Variants in SLC2A7 observed in about 807,000 individuals in gnomAD.
SLC2A7 encodes solute carrier family 2, facilitated glucose transporter member 7.
In SLC2A7, 50 loss-of-function variants were observed where a neutral mutation model predicts 50.5. The ratio of observed to expected loss-of-function variants is 0.99; its 90% CI spans 0.79 to 1.25. SLC2A7 has a LOEUF of 1.25. Ranked by LOEUF, SLC2A7 falls within the 50% of genes most tolerant of loss-of-function variation. The pLI is 0.00. For synonymous variants in SLC2A7, 308 were observed against 300.4 expected, an observed-to-expected ratio of 1.03 and a Z score of -0.26; for missense variants, 683 against 679.1, an observed-to-expected ratio of 1.01 and a Z score of -0.06.
chr1:9,026,392 C>T lies in SLC2A7; in HGVS notation c.-47G>A. On this transcript the variant is annotated 5_prime_UTR_variant, in exon 1 of 12. In the 5' UTR this introduces an upstream ATG that the reference lacks. Coordinates refer to ENST00000400906, the MANE Select transcript of SLC2A7 (RefSeq NM_207420.3). ...GGTGTGCTCTACCTCCCAAGTGACA[C>T]CTGCTCTGCGCCAGCCACCTAAAGA... 6.5e-7 allele frequency: 1 copy of T among 1,549,512 alleles called. No homozygotes were observed. Among genetic ancestry groups the T allele is most frequent in the Non-Finnish European group, 8.8e-7 (1 of 1,142,176 alleles).
chr1:9,009,447 T>C (rs962416825), intron 9 of SLC2A7, among the ~76,000 whole-genome samples: 3 of 152,126 alleles, frequency 2.0e-5, no homozygotes, highest in Non-Finnish European at 2.9e-5. Flanking sequence ...TGAAAAATGA[T>C]TCGTAGTTTT....
chr1:9,022,920 G>A lies in SLC2A7; in HGVS notation c.309C>T (p.Gly103=). 3 of 1,613,842 alleles carry A rather than the reference G, an allele frequency of 1.9e-6. No individual in the cohort carries two copies. Among genetic ancestry groups the A allele is most frequent in the Non-Finnish European group, 2.5e-6 (3 of 1,179,908 alleles). Residue 103 remains glycine, a splice_region_variant and synonymous_variant, in exon 3 of 12, where the codon GGC becomes GGT. Transcript: ENST00000400906. ...GGAGCAGTGCACCTTCTGTTTACCT[G>A]CCGCAGCTATCAACCAGCAGGCCCA... ...LLVGLLVDSC[G]RKGTLLINNI...
intron 9 of SLC2A7, among the ~76,000 whole-genome samples, chr1:9,009,578 T>C (rs1416285370): frequency 6.6e-6 from 1 of 152,218 alleles, no homozygotes; most frequent in East Asian, 1.9e-4. Context: ...CACCTCAGCT[T>C]CCTGAGTAGC....
rs200259642 is a variant in SLC2A7, at chr1:9,003,463, G to A, written c.1376C>T (p.Ala459Val). Reference sequence around the variant, plus strand: ...CGGAATAACCACGTAGATGTAAATCGCAGTGAGGAGGCAGATTCCGGCAAA... The same window carrying A: ...CGGAATAACCACGTAGATGTAAATCACAGTGAGGAGGCAGATTCCGGCAAA... ...IIFAGICLLT[A>V]IYIYVVIPET... Residue 459 changes from alanine (A) to valine (V), a missense_variant, in exon 12 of 12, where the codon GCG (alanine) becomes GTG (valine). Physicochemically the swap from Ala to Val is moderately conservative, Grantham distance 64. Coordinates refer to ENST00000400906, the MANE Select transcript of SLC2A7 (RefSeq NM_207420.3). 2.7e-5 allele frequency: 44 copies of A among 1,614,170 alleles called. No homozygotes were observed. The highest frequency in any genetic ancestry group is 8.8e-5 in the South Asian group (8 of 91,088).
intron 2 of SLC2A7, 84 bp from the exon 3 acceptor site, chr1:9,023,162 T>C (rs1569810662): frequency 6.8e-7 from 1 of 1,466,740 alleles, no homozygotes; most frequent in Non-Finnish European, 9.3e-7. Flanking sequence ...CCACTTGTCA[T>C]TGTACAGAGA....
chr1:9,005,938 C>T (rs1640647694), intron 10 of SLC2A7, among the ~76,000 whole-genome samples: 1 of 152,210 alleles, frequency 6.6e-6, no homozygotes, highest in African/African-American at 2.4e-5. Context: ...TTCTCCAGGG[C>T]CCTGACCCCA....
chr1:9,014,735 C>G lies in SLC2A7; in HGVS notation c.849G>C (p.Gln283His). The change falls in exon 7 of 12, where the codon CAG becomes CAC. Residue 283 changes from glutamine (Q) to histidine (H), a missense_variant. By Grantham distance (24) the Gln-to-His change is conservative. Coordinates refer to ENST00000400906, the MANE Select transcript of SLC2A7 (RefSeq NM_207420.3). ...HLCALRSLRW[Q>H]LLSIIVLMAG... ...CCATGAGCACGATGATGGAGAGGAG[C>G]TGCCAGCGCAGGGACCGCAGGGCAC... is the stretch of plus-strand genomic sequence containing the variant. 6.4e-7 allele frequency: 1 copy of G among 1,574,556 alleles called. No homozygotes were observed.
At chr1:9,009,821 A>G (rs951045131) in intron 9 of SLC2A7, among the ~76,000 whole-genome samples, 3 of 152,246 alleles carry the variant, frequency 2.0e-5, no homozygotes, top group African/African-American at 7.2e-5. Context: ...TTCACCGCCC[A>G]TAGATGTTTT....
chr1:9,023,022 G>A lies in SLC2A7; in HGVS notation c.207C>T (p.Asp69=), dbSNP rs529107888. The A allele has an allele frequency of 2.5e-6, 4 of 1,614,142 alleles. 1 individual carries two copies. The highest frequency in any genetic ancestry group is 2.2e-5 in the East Asian group (1 of 44,886). The change falls in exon 3 of 12, where the codon GAC becomes GAT. Residue 69 remains aspartate, a synonymous_variant. Transcript: ENST00000400906. ...ACCATAGAAGCAGCATGAGCTTCCC[G>A]TCCATGAATGTTGCGTGTCGCTCAA... ...TYFERHATFM[D]GKLMLLLWSC... is the part of the protein sequence containing the mutation.
chr1:9,015,459 C>T (rs982535641), intron 5 of SLC2A7, among the ~76,000 whole-genome samples: 2 of 152,204 alleles, frequency 1.3e-5, no homozygotes, highest in Admixed American at 6.5e-5. Flanking sequence ...AGGAAGAACA[C>T]CGTTTCTCTA....
chr1:9,006,067 G>A (rs549092192), intron 10 of SLC2A7, among the ~76,000 whole-genome samples: 11 of 152,280 alleles, frequency 7.2e-5, no homozygotes, highest in East Asian at 3.9e-4. Context: ...CTGACCTCGC[G>A]TCTGCCGGCA....
Position 9,025,033 on chromosome 1 carries a change from G to T in SLC2A7, c.93C>A (p.Ala31=), listed in dbSNP as rs143044375. The change falls in exon 2 of 12, where the codon GCC becomes GCA. Residue 31 remains alanine (A), a synonymous_variant. Transcript: ENST00000400906. ...AGCCGTACTGGAAGGCTGAGCCAAAGGCCGCGCTCAGTGTCGCCAGCAACA... is the reference window on the plus strand; with the variant it reads ...AGCCGTACTGGAAGGCTGAGCCAAATGCCGCGCTCAGTGTCGCCAGCAACA... The part of the protein sequence containing the change: ...PTLLLATLSA[A]FGSAFQYGYN... The T allele has an allele frequency of 6.2e-7, 1 of 1,613,946 alleles. No individual in the cohort carries two copies. The highest frequency in any genetic ancestry group is 8.5e-7 in the Non-Finnish European group (1 of 1,180,016).
chr1:9,022,777 T>A, intron 3 of SLC2A7, 141 bp downstream of exon 3: 1 of 1,127,030 alleles, frequency 8.9e-7, no homozygotes, highest in African/African-American at 1.6e-5. Context: ...AAGGTCATGA[T>A]GACTGTGGCC....
rs2039630 is a variant in SLC2A7 at position 9,008,074 on chromosome 1, C to T, written c.1117-689G>A. On this transcript the variant is annotated intron_variant, in intron 9 of 11. Coordinates refer to ENST00000400906, the MANE Select transcript of SLC2A7 (RefSeq NM_207420.3). The surrounding 1 kb of genome is among the most constrained non-coding windows in gnomAD (Gnocchi z 5.9). Reference sequence around the variant, plus strand: ...ATTCTCTGGAGACTCCTAGGACCCCCGGACCCGTGGAGCTGGCAGACCACC... The same window carrying T: ...ATTCTCTGGAGACTCCTAGGACCCCTGGACCCGTGGAGCTGGCAGACCACC... Among the ~76,000 whole-genome samples, 16,852 of 152,046 alleles carry T rather than the reference C, an allele frequency of 0.11. 3,091 individuals are homozygous for T. The highest frequency in any genetic ancestry group is 0.38 in the African/African-American group (15,881 of 41,400).
intron 4 of SLC2A7, 140 bp from the exon 5 acceptor site, chr1:9,018,515 T>C: frequency 8.1e-7 from 1 of 1,237,086 alleles, no homozygotes; most frequent in Non-Finnish European, 1.1e-6. Context: ...CAACCTCGAC[T>C]GTTTAGTTTG....
intron 9 of SLC2A7, among the ~76,000 whole-genome samples, chr1:9,009,320 A>T (rs1640706410): frequency 6.6e-6 from 1 of 152,242 alleles, no homozygotes; most frequent in African/African-American, 2.4e-5. Context: ...TTATATCATG[A>T]CACACCACGT....
downstream of SLC2A7, among the ~76,000 whole-genome samples, chr1:9,000,785 ACT>A: frequency 1.1e-5 from 1 of 92,226 alleles, no homozygotes; most frequent in African/African-American, 5.4e-5. Flanking sequence ...TGTGTGTGTG[ACT>A]CTGTCTCCCC....
chr1:9,001,779 T>C (rs781193437), downstream of SLC2A7, among the ~76,000 whole-genome samples: 18 of 151,386 alleles, frequency 1.2e-4, no homozygotes, highest in Admixed American at 2.6e-4. Flanking sequence ...GGAGAGAGAG[T>C]GGACTGGGAA....
intron 9 of SLC2A7, 46 bp downstream of exon 9, chr1:9,010,097 C>A (rs1026738587): frequency 9.9e-6 from 15 of 1,509,344 alleles, no homozygotes; most frequent in African/African-American, 2.8e-5. Flanking sequence ...GGACCTCCCA[C>A]CCTCCCCATG....
Sources: allele counts gnomAD v4.1 joint callset (sites outside exome capture counted in the v4.1 genomes callset), GRCh38; gene constraint gnomAD v4.1.1; non-coding constraint Gnocchi (gnomAD v3.1); transcripts MANE v1.5; gene names NCBI Gene and HGNC (gene_info 2026-07-23, HGNC 2026-07-21).